The following LDB2 variants were observed in gnomAD, a reference collection of about 807,000 sequenced individuals.
The protein encoded by LDB2 is LIM domain binding 2.
A neutral mutation model predicts 44.3 loss-of-function variants in LDB2; 12 were observed. The observed-to-expected ratio is 0.27, with a 90% CI of 0.17 to 0.44. The LOEUF (loss-of-function observed/expected upper bound fraction) is 0.44. Among genes scored for constraint, LDB2 ranks in the 20% least tolerant of loss-of-function variants. LDB2 has a pLI of 1.00. For missense variants in LDB2, 344 were observed against 473.5 expected (o/e 0.73, Z 2.54); for synonymous variants, 164 against 174.8 (o/e 0.94, Z 0.49).
chr4:16,772,184 T>A (rs1170216437), intron 1 of LDB2, among the ~76,000 whole-genome samples: 1 of 152,236 alleles, frequency 6.6e-6, no homozygotes, highest in African/African-American at 2.4e-5. Flanking sequence ...ATCCTTGTCA[T>A]CTTTGGGTCA....
chr4:16,843,404 CAAACAGTTGTA>C (rs746929727), intron 1 of LDB2, among the ~76,000 whole-genome samples: 28 of 152,238 alleles, frequency 1.8e-4, no homozygotes, highest in Admixed American at 4.6e-4. Context: ...GGTCTGACAA[CAAACAGTTGTA>C]AATGAGTGAA....
chr4:16,830,782 C>A (rs1307783120), intron 1 of LDB2, among the ~76,000 whole-genome samples: 1 of 152,124 alleles, frequency 6.6e-6, no homozygotes, highest in Admixed American at 6.5e-5. Flanking sequence ...TTATTGGACC[C>A]GAGGAGGTCC....
intron 1 of LDB2, among the ~76,000 whole-genome samples, chr4:16,776,717 A>T (rs138600822): frequency 0.01 from 1,577 of 152,362 alleles, 25 homozygotes; most frequent in African/African-American, 0.035. Context: ...TATGTCATTT[A>T]TTAGATAGCA....
chr4:16,683,221 T>C (rs1199445449), intron 2 of LDB2, among the ~76,000 whole-genome samples: 2 of 152,166 alleles, frequency 1.3e-5, no homozygotes, highest in Non-Finnish European at 2.9e-5. Flanking sequence ...TTTGGAAAAT[T>C]CCCCTTGTAG....
chr4:16,619,125 A>C (rs1354202292), intron 2 of LDB2, among the ~76,000 whole-genome samples: 1 of 152,206 alleles, frequency 6.6e-6, no homozygotes, highest in Non-Finnish European at 1.5e-5. Flanking sequence ...GTAGTTCTTT[A>C]TAGCAATGTG....
chr4:16,642,178 G>A lies in LDB2; in HGVS notation c.236-46303C>T, dbSNP rs547256083. On this transcript the variant is annotated intron_variant, in intron 2 of 7. Transcript: ENST00000304523. ...TGCCTCAGAAAGCCAAGTGCTTGGA[G>A]GGAAATTCATAGCAGTCCTAGATAA... is the stretch of plus-strand genomic sequence containing the variant. Among the ~76,000 whole-genome samples, 4 of 152,256 alleles carry A rather than the reference G, an allele frequency of 2.6e-5. No homozygotes were observed. The South Asian group carries it at 8.3e-4, about 32-fold the overall frequency.
At chr4:16,837,922 A>G (rs1225538859) in intron 1 of LDB2, among the ~76,000 whole-genome samples, 1 of 152,256 alleles carries the variant, frequency 6.6e-6, no homozygotes, top group Non-Finnish European at 1.5e-5. Flanking sequence ...CGCTTGGTGC[A>G]CATGCACTGA....
chr4:16,705,152 A>G (rs1202542614), intron 2 of LDB2, among the ~76,000 whole-genome samples: 1 of 152,122 alleles, frequency 6.6e-6, no homozygotes, highest in Non-Finnish European at 1.5e-5. Context: ...ATAATTTACA[A>G]AGTTGTTGTA....
intron 7 of LDB2, chr4:16,505,819 C>T: frequency 6.6e-7 from 1 of 1,524,360 alleles, no homozygotes; most frequent in Non-Finnish European, 8.8e-7. Flanking sequence ...CTCACTAATC[C>T]CCCGTGCAAA....
intron 2 of LDB2, among the ~76,000 whole-genome samples, chr4:16,699,749 A>G (rs1172156342): frequency 6.6e-6 from 1 of 152,224 alleles, no homozygotes; most frequent in African/African-American, 2.4e-5. Flanking sequence ...TTATAGCTCA[A>G]AGAAAAACTT....
chr4:16,842,721 G>T (rs1405542400), intron 1 of LDB2, among the ~76,000 whole-genome samples: 1 of 152,192 alleles, frequency 6.6e-6, no homozygotes, highest in African/African-American at 2.4e-5. Context: ...CTGGAGACCA[G>T]CGTTTGGATT....
chr4:16,599,672 G>A (rs1380946700), intron 2 of LDB2, among the ~76,000 whole-genome samples: 2 of 152,042 alleles, frequency 1.3e-5, no homozygotes, highest in African/African-American at 2.4e-5. Flanking sequence ...ACATACGCAC[G>A]CAATGTGCAA....
At chr4:16,890,614 T>C (rs1468964585) in intron 1 of LDB2, among the ~76,000 whole-genome samples, 1 of 152,164 alleles carries the variant, frequency 6.6e-6, no homozygotes, top group Non-Finnish European at 1.5e-5. Flanking sequence ...TTTACCAATA[T>C]GCTCCAGGAC....
chr4:16,752,306 G>T, intron 2 of LDB2: 1 of 353,126 alleles, frequency 2.8e-6, no homozygotes, highest in Non-Finnish European at 5.5e-6. Context: ...TAAATGTTTA[G>T]TAGTTCCTTG....
chr4:16,758,731 A>C (rs1231518443), intron 2 of LDB2, among the ~76,000 whole-genome samples: 1 of 152,226 alleles, frequency 6.6e-6, no homozygotes, highest in Non-Finnish European at 1.5e-5. Flanking sequence ...TACCTGAGAT[A>C]ATTGATAAGA....
intron 1 of LDB2, among the ~76,000 whole-genome samples, chr4:16,861,610 T>C (rs913313738): frequency 6.6e-6 from 1 of 152,206 alleles, no homozygotes; most frequent in Non-Finnish European, 1.5e-5. Context: ...GTCCCAGGCC[T>C]CCTTCTAATC....
intron 5 of LDB2, among the ~76,000 whole-genome samples, chr4:16,528,187 A>G (rs1043145574): frequency 2.0e-5 from 3 of 152,130 alleles, no homozygotes; most frequent in Non-Finnish European, 2.9e-5. Flanking sequence ...GAATGATACA[A>G]TGGACTTTGG....
At chr4:16,716,659 T>G (rs2152673453) in intron 2 of LDB2, among the ~76,000 whole-genome samples, 1 of 152,294 alleles carries the variant, frequency 6.6e-6, no homozygotes, top group East Asian at 1.9e-4. Context: ...ATATGAAAAC[T>G]GGCTTGAAGA....
intron 7 of LDB2, among the ~76,000 whole-genome samples, chr4:16,504,183 T>C (rs1271837310): frequency 6.6e-6 from 1 of 152,158 alleles, no homozygotes; most frequent in Non-Finnish European, 1.5e-5. Flanking sequence ...AAATTCATTT[T>C]ACTAGAGCTT....
Sources: allele counts gnomAD v4.1 joint callset (sites outside exome capture counted in the v4.1 genomes callset), GRCh38; gene constraint gnomAD v4.1.1; transcripts MANE v1.5; gene names NCBI Gene and HGNC (gene_info 2026-07-23, HGNC 2026-07-21).